PALM2AKAP2: variants seen among roughly 807,000 people sequenced by gnomAD.
PALM2AKAP2 encodes PALM2 and AKAP2 fusion.
Under a neutral mutation model 71.5 loss-of-function variants are expected in PALM2AKAP2, and 37 were observed. That is an observed-to-expected ratio of 0.52 (90% confidence interval 0.40 to 0.68). PALM2AKAP2 has a LOEUF of 0.68. Ranked by LOEUF, PALM2AKAP2 falls within the 30% of genes least tolerant of loss-of-function variation. The pLI, the probability that PALM2AKAP2 is intolerant of heterozygous loss-of-function variation, is 0.00. For synonymous variants in PALM2AKAP2, 468 were observed against 478.8 expected (o/e 0.98, Z 0.29); for missense variants, 1,224 against 1,191.8 (o/e 1.03, Z -0.40).
chr9:110,056,641 A>T (rs771897052), intron 1 of PALM2AKAP2, among the ~76,000 whole-genome samples: 82 of 152,186 alleles, frequency 5.4e-4, no homozygotes, highest in Admixed American at 1.2e-3. Context: ...CACATTACAG[A>T]TGAGCAGAAT....
At chr9:110,022,442 A>G (rs1833089080) in intron 7 of PALM2AKAP2, among the ~76,000 whole-genome samples, 1 of 152,096 alleles carries the variant, frequency 6.6e-6, no homozygotes, top group Admixed American at 6.5e-5. Flanking sequence ...GTGTTTTTTA[A>G]AAGCCCCTGG....
intron 6 of PALM2AKAP2, among the ~76,000 whole-genome samples, chr9:110,004,097 G>A (rs903967188): frequency 2.6e-5 from 4 of 152,142 alleles, no homozygotes; most frequent in East Asian, 1.9e-4. Context: ...GATTTTGCCC[G>A]TTAGTTGATG....
intron 2 of PALM2AKAP2, among the ~76,000 whole-genome samples, chr9:109,868,877 T>A (rs1366462746): frequency 6.6e-6 from 1 of 152,216 alleles, no homozygotes; most frequent in Non-Finnish European, 1.5e-5. Flanking sequence ...TGAGGGAGGA[T>A]GGAGGGCTAA....
chr9:109,780,362 C>T (rs1829420860), upstream of PALM2AKAP2: 1 of 1,578,796 alleles, frequency 6.3e-7, no homozygotes, highest in African/African-American at 1.3e-5. Flanking sequence ...GGAGCGGATC[C>T]CCAGCCGTCC....
exon 2 of PALM2AKAP2, chr9:110,137,282 C>G (rs1588130283): frequency 6.2e-7 from 1 of 1,614,202 alleles, no homozygotes; most frequent in East Asian, 2.2e-5. Flanking sequence ...TACACCCAGG[C>G]TGTTCTCCAT....
intron 1 of PALM2AKAP2, among the ~76,000 whole-genome samples, chr9:109,680,226 T>C (rs1412739906): frequency 1.3e-5 from 2 of 152,240 alleles, no homozygotes; most frequent in African/African-American, 4.8e-5. Context: ...GCAGATTATG[T>C]TTAAACTCCT....
intron 1 of PALM2AKAP2, among the ~76,000 whole-genome samples, chr9:110,126,747 C>T (rs1436994555): frequency 6.6e-6 from 1 of 152,216 alleles, no homozygotes; most frequent in East Asian, 1.9e-4. Context: ...TCCTCCCCTC[C>T]CCGCTGCTGA....
intron 1 of PALM2AKAP2, among the ~76,000 whole-genome samples, chr9:110,056,287 C>A (rs1833839031): frequency 6.6e-6 from 1 of 152,226 alleles, no homozygotes; most frequent in African/African-American, 2.4e-5. Flanking sequence ...TGATGTCATT[C>A]CCATGGTGGG....
At chr9:109,742,617 G>T (rs1410703621) in intron 1 of PALM2AKAP2, among the ~76,000 whole-genome samples, 1 of 152,090 alleles carries the variant, frequency 6.6e-6, no homozygotes, top group African/African-American at 2.4e-5. Context: ...TCCACTTGAG[G>T]TTGTTAGTCT....
intron 3 of PALM2AKAP2, 36 bp from the exon 10 acceptor site, chr9:110,162,058 C>T (rs777977795): frequency 6.2e-7 from 1 of 1,612,566 alleles, no homozygotes; most frequent in Non-Finnish European, 8.5e-7. Context: ...TGTGTCACTG[C>T]CATGTACTAA....
At chr9:110,104,153 G>A (rs903009269) in intron 1 of PALM2AKAP2, among the ~76,000 whole-genome samples, 5 of 124,052 alleles carry the variant, frequency 4.0e-5, no homozygotes, top group African/African-American at 1.5e-4. Context: ...GAACAGCCTA[G>A]GAAACTTACA....
intron 1 of PALM2AKAP2, among the ~76,000 whole-genome samples, chr9:109,847,478 ACG>A (rs1828892647): frequency 6.6e-6 from 1 of 152,194 alleles, no homozygotes; most frequent in South Asian, 2.1e-4. Context: ...GTGATGGCTC[ACG>A]CCTGTAATCC....
chr9:110,000,769 A>G (rs906281786), intron 6 of PALM2AKAP2, among the ~76,000 whole-genome samples: 7 of 152,188 alleles, frequency 4.6e-5, no homozygotes, highest in African/African-American at 1.7e-4. Flanking sequence ...ACCAGTGATG[A>G]TGAGCATTTT....
At chr9:109,832,130 A>G (rs1176043969) in intron 1 of PALM2AKAP2, among the ~76,000 whole-genome samples, 1 of 152,228 alleles carries the variant, frequency 6.6e-6, no homozygotes, top group Non-Finnish European at 1.5e-5. Flanking sequence ...GATTCAGTGC[A>G]TAAAGAATCA....
chr9:110,163,057 G>A (rs1190424996), intron 3 of PALM2AKAP2, among the ~76,000 whole-genome samples: 3 of 151,842 alleles, frequency 2.0e-5, no homozygotes, highest in East Asian at 1.9e-4. Context: ...AAATATATGT[G>A]CTATAAATAT....
chr9:109,853,117 T>C (rs1251916105), intron 1 of PALM2AKAP2, among the ~76,000 whole-genome samples: 1 of 152,100 alleles, frequency 6.6e-6, no homozygotes, highest in South Asian at 2.1e-4. Context: ...TTACCTAACC[T>C]CTCTCAGCCT....
At chr9:109,919,640 C>T (rs1171144622) in intron 3 of PALM2AKAP2, among the ~76,000 whole-genome samples, 1 of 151,504 alleles carries the variant, frequency 6.6e-6, no homozygotes, top group Non-Finnish European at 1.5e-5. Flanking sequence ...CATTAACACA[C>T]ATATAAATAT....
chr9:110,017,130 T>C (rs574871381), intron 7 of PALM2AKAP2, among the ~76,000 whole-genome samples: 52 of 152,306 alleles, frequency 3.4e-4, no homozygotes, highest in South Asian at 6.2e-4. Context: ...CCGCCTGCCT[T>C]GGCCTCCCAA....
intron 6 of PALM2AKAP2, among the ~76,000 whole-genome samples, chr9:109,997,726 G>A (rs368723698): frequency 6.6e-5 from 10 of 152,318 alleles, no homozygotes; most frequent in African/African-American, 2.2e-4. Flanking sequence ...GAGGCCGCAG[G>A]GCCTGGTCCT....
Sources: allele counts gnomAD v4.1 joint callset (sites outside exome capture counted in the v4.1 genomes callset), GRCh38; gene constraint gnomAD v4.1.1; transcripts MANE v1.5; gene names NCBI Gene and HGNC (gene_info 2026-07-23, HGNC 2026-07-21).